GNAQ: variants seen among roughly 807,000 people sequenced by gnomAD.
GNAQ encodes G protein subunit alpha q.
Under a neutral mutation model 43.9 loss-of-function variants are expected in GNAQ, and 8 were observed. The observed-to-expected ratio is 0.18, with a 90% confidence interval of 0.11 to 0.33. The LOEUF is 0.33. GNAQ is among the 10% of genes least tolerant of loss of function. The probability of loss-of-function intolerance (pLI) is 1.00; values close to 1 mark genes in which losing one functional copy is unlikely to be tolerated. For synonymous variants in GNAQ, 155 were observed against 170.7 expected (o/e 0.91, Z 0.71); for missense variants, 158 against 450.8 (o/e 0.35, Z 5.88).
intron 2 of GNAQ, among the ~76,000 whole-genome samples, chr9:77,832,140 C>G (rs1827308380): frequency 6.6e-6 from 1 of 150,600 alleles, no homozygotes; most frequent in South Asian, 2.1e-4. Context: ...CCATACTGTA[C>G]CCATCACATA....
intron 2 of GNAQ, among the ~76,000 whole-genome samples, chr9:77,887,676 A>T (rs1587388204): frequency 6.6e-6 from 1 of 152,236 alleles, no homozygotes; most frequent in African/African-American, 2.4e-5. Context: ...CAGTTAAAGC[A>T]GAATGTTCCT....
At chr9:77,800,549 A>G (rs547307481) in intron 3 of GNAQ, among the ~76,000 whole-genome samples, 64 of 152,278 alleles carry the variant, frequency 4.2e-4, no homozygotes, top group Middle Eastern at 3.4e-3. Context: ...CAGGAAGGGG[A>G]ACATCACACT....
At position 77,927,631 on chromosome 9, in the gene GNAQ, T is replaced by G. The variant is rs1416305531; in HGVS notation, c.137-5286A>C. 1.3e-5 allele frequency among the ~76,000 whole-genome samples: 2 copies of G among 151,630 alleles called. 1 individual carries two copies. The highest frequency in any genetic ancestry group is 2.9e-5 in the Non-Finnish European group (2 of 67,934). ...CACCTTACCAGGGCCTCTCACAGAC[T>G]GAGGGAAGCCCATACCACTTCTACT... On this transcript the variant is annotated intron_variant, in intron 1 of 6. Transcript: ENST00000286548.
intron 1 of GNAQ, among the ~76,000 whole-genome samples, chr9:77,988,516 AAAC>A (rs1482506322): frequency 6.6e-6 from 1 of 152,190 alleles, no homozygotes; most frequent in Non-Finnish European, 1.5e-5. Flanking sequence ...GTATTATCGA[AAAC>A]AGGATTCAGG....
chr9:77,782,932 T>C (rs1205812797), intron 5 of GNAQ, among the ~76,000 whole-genome samples: 1 of 152,180 alleles, frequency 6.6e-6, no homozygotes. Flanking sequence ...ACTGGCATTC[T>C]AGAAAAGGGA....
chr9:77,970,458 G>A (rs887406133), intron 1 of GNAQ, among the ~76,000 whole-genome samples: 2 of 152,172 alleles, frequency 1.3e-5, no homozygotes, highest in Non-Finnish European at 2.9e-5. Context: ...AGTATGGTGG[G>A]CTATAATCAA....
At chr9:77,918,765 A>T (rs1265907761) in intron 2 of GNAQ, among the ~76,000 whole-genome samples, 1 of 151,938 alleles carries the variant, frequency 6.6e-6, no homozygotes, top group African/African-American at 2.4e-5. Context: ...TGGATTGTAA[A>T]TTTCTGCCCA....
intron 1 of GNAQ, among the ~76,000 whole-genome samples, chr9:77,997,463 C>T (rs1177578767): frequency 1.3e-5 from 2 of 152,192 alleles, no homozygotes; most frequent in African/African-American, 2.4e-5. Flanking sequence ...TTGCTTTCTA[C>T]CTGATGCTGC....
chr9:77,863,212 A>AAGGAAGGAAGGAAGGAAGGG (rs1564133727), intron 2 of GNAQ, among the ~76,000 whole-genome samples: 2 of 145,764 alleles, frequency 1.4e-5, no homozygotes, highest in Non-Finnish European at 3.0e-5. Context: ...GGAAGGAAGG[A>AAGGAAGGAAGGAAGGAAGGG]AGGAAGGGAG....
At position 77,720,084 on chromosome 9, in the gene GNAQ, A is replaced by G. The variant is rs1423109543; in HGVS notation, c.*1239T>C. 4.3e-6 allele frequency: 1 copy of G among 232,766 alleles called. No homozygotes were observed. The highest frequency in any genetic ancestry group is 2.2e-5 in the African/African-American group (1 of 45,336). The allele number at this position is 232,766 out of a possible 1,614,324, so 14.4% of individuals were successfully genotyped here. A position where few individuals can be genotyped will look rare whatever the true frequency, so the allele number is the denominator to read the frequency against. On this transcript the variant is annotated 3_prime_UTR_variant, in exon 7 of 7. Transcript: ENST00000286548. ...TGTTAAACCACACAGGATACTTTTT[A>G]CATTGCCGGTTTGGACACTGAACAT...
chr9:77,807,246 G>A (rs898392843), intron 3 of GNAQ, among the ~76,000 whole-genome samples: 2 of 152,198 alleles, frequency 1.3e-5, no homozygotes, highest in Non-Finnish European at 2.9e-5. Context: ...GTTACATAAA[G>A]ACAGCAAGAT....
intron 1 of GNAQ, among the ~76,000 whole-genome samples, chr9:77,950,071 T>C (rs1469437467): frequency 2.6e-5 from 4 of 152,174 alleles, no homozygotes; most frequent in South Asian, 2.1e-4. Flanking sequence ...ACTCTTCTCT[T>C]ATCAAAAAAC....
intron 1 of GNAQ, among the ~76,000 whole-genome samples, chr9:77,983,513 A>C (rs1823394665): frequency 6.6e-6 from 1 of 152,118 alleles, no homozygotes; most frequent in Non-Finnish European, 1.5e-5. Context: ...GCCTCTTCGA[A>C]GAGCCATTTG....
intron 1 of GNAQ, among the ~76,000 whole-genome samples, chr9:77,925,201 T>C (rs771814244): frequency 6.6e-6 from 1 of 152,140 alleles, no homozygotes; most frequent in African/African-American, 2.4e-5. Flanking sequence ...GAGTGTGCTG[T>C]TCGTTTCCTT....
At chr9:78,018,538 T>G (rs923324511) in intron 1 of GNAQ, among the ~76,000 whole-genome samples, 1 of 152,214 alleles carries the variant, frequency 6.6e-6, no homozygotes, top group Non-Finnish European at 1.5e-5. Context: ...TGGGTTGTCA[T>G]TCTTTCAAAG....
chr9:77,847,516 TG>T (rs752878906), intron 2 of GNAQ, among the ~76,000 whole-genome samples: 6 of 151,884 alleles, frequency 4.0e-5, no homozygotes, highest in Non-Finnish European at 5.9e-5. Flanking sequence ...AAAGGAAGGG[TG>T]GGTAGTATAA....
chr9:77,747,257 C>T (rs947056954), intron 5 of GNAQ, among the ~76,000 whole-genome samples: 29 of 151,866 alleles, frequency 1.9e-4, no homozygotes, highest in African/African-American at 6.8e-4. Flanking sequence ...TTAAATGTAA[C>T]AGAAACATCA....
chr9:77,997,792 C>T (rs1823588171), intron 1 of GNAQ, among the ~76,000 whole-genome samples: 1 of 152,184 alleles, frequency 6.6e-6, no homozygotes, highest in Admixed American at 6.5e-5. Flanking sequence ...CGGGCAAGGG[C>T]AGTCCCTAGG....
chr9:77,895,399 C>G (rs1828483257), intron 2 of GNAQ, among the ~76,000 whole-genome samples: 1 of 152,112 alleles, frequency 6.6e-6, no homozygotes, highest in South Asian at 2.1e-4. Context: ...AGTGGTGGTG[C>G]TCAGATCCAG....
Sources: gnomAD v4.1 joint callset for allele counts (sites outside exome capture counted in the v4.1 genomes callset) on GRCh38, gnomAD v4.1.1 for gene constraint, MANE v1.5 for transcripts, NCBI Gene and HGNC (gene_info 2026-07-23, HGNC 2026-07-21) for gene names.